Variants in SLC38A5 observed in about 807,000 individuals in gnomAD.
SLC38A5 encodes solute carrier family 38 member 5, also known as sodium-coupled neutral amino acid transporter 5.
Under a neutral mutation model 34.6 loss-of-function variants are expected in SLC38A5, and 9 were observed. The ratio of observed to expected loss-of-function variants is 0.26; its 90% CI spans 0.16 to 0.45. The LOEUF is 0.45. SLC38A5 is among the 20% of genes least tolerant of loss of function. The probability of loss-of-function intolerance (pLI) is 1.00; values close to 1 mark genes in which losing one functional copy is unlikely to be tolerated. For synonymous variants in SLC38A5, 157 were observed against 155.6 expected (o/e 1.01, Z -0.07); for missense variants, 253 against 394.7 (o/e 0.64, Z 3.04).
At chrX:48,463,853 GAGAA>G (rs201520618) in intron 8 of SLC38A5, among the ~76,000 whole-genome samples, 16,358 of 76,786 alleles carry the variant, frequency 0.21, 1,653 homozygotes, top group Non-Finnish European at 0.23. Flanking sequence ...AAGAAAGAGA[GAGAA>G]AGAAAGAAAG....
chrX:48,465,812 C>A (rs1268589258), intron 8 of SLC38A5, among the ~76,000 whole-genome samples: 2 of 111,486 alleles, frequency 1.8e-5, no homozygotes, highest in African/African-American at 6.5e-5. Flanking sequence ...GAATAAGTCA[C>A]AAAATCAGCA....
chrX:48,462,897 C>T lies in SLC38A5; in HGVS notation c.574+1G>A. ...AATGGCCAACCCAGGGAGCCTCTTA[C>T]CCAAGTGTTTCATGAGGGCGAGGGG... On this transcript the variant is annotated splice_donor_variant, in intron 9 of 16. Coordinates refer to ENST00000620913, the MANE Select transcript of SLC38A5 (RefSeq NM_033518.4). LOFTEE classifies it high-confidence loss of function. The T allele has an allele frequency of 8.3e-7, 1 of 1,204,695 alleles. No individual in the cohort carries two copies. The highest frequency in any genetic ancestry group is 3.0e-5 in the East Asian group (1 of 33,783).
intron 8 of SLC38A5, among the ~76,000 whole-genome samples, chrX:48,463,479 G>A (rs2061448880): frequency 9.0e-6 from 1 of 110,667 alleles, no homozygotes; most frequent in Non-Finnish European, 1.9e-5. Context: ...GGTGGGGAGT[G>A]CCTGTAGTCC....
At chrX:48,460,019 C>A in intron 14 of SLC38A5, 143 bp from the exon 15 acceptor site, 1 of 801,516 alleles carries the variant, frequency 1.2e-6, no homozygotes, top group Non-Finnish European at 1.7e-6. Context: ...CCCTGCCTAA[C>A]CCAACATCTG....
At chrX:48,468,925 G>C (rs930483773) in intron 2 of SLC38A5, 53 of 750,493 alleles carry the variant, frequency 7.1e-5, no homozygotes, top group Middle Eastern at 7.5e-4. Context: ...ATCCCCACCC[G>C]AGCCTGGAGC....
chrX:48,465,900 G>T, intron 8 of SLC38A5, 115 bp downstream of exon 8: 1 of 660,437 alleles, frequency 1.5e-6, no homozygotes, highest in Non-Finnish European at 2.2e-6. Context: ...CTGCCCAGCA[G>T]TCTCAAACTA....
At chrX:48,467,135 C>G in intron 4 of SLC38A5, 58 bp from the exon 5 acceptor site, 1 of 1,011,029 alleles carries the variant, frequency 9.9e-7, no homozygotes, top group South Asian at 2.1e-5. Flanking sequence ...GGTAAGGAGA[C>G]TAATGCCAGG....
rs782231740 is a variant in SLC38A5, at chrX:48,467,884, G to A, written c.41C>T (p.Ser14Leu). 4 of 1,205,889 alleles carry A rather than the reference G, an allele frequency of 3.3e-6. No individual in the cohort carries two copies. Among genetic ancestry groups the A allele is most frequent in the Middle Eastern group, 2.3e-4 (1 of 4,363 alleles). Residue 14 changes from serine (S) to leucine (L), a missense_variant, in exon 3 of 17, where the codon TCG becomes TTG. Transcript: ENST00000620913. ...QDPKMNGALP[S>L]DAVGYRQERE... Reference sequence around the variant, plus strand: ...ACCCCTGACTCACCCCACAGCATCCGAAGGGAGGGCTCCATTCATCTTTGG... The same window carrying A: ...ACCCCTGACTCACCCCACAGCATCCAAAGGGAGGGCTCCATTCATCTTTGG...
chrX:48,463,887 G>GA (rs1370324548), intron 8 of SLC38A5, among the ~76,000 whole-genome samples: 1 of 104,465 alleles, frequency 9.6e-6, no homozygotes, highest in Admixed American at 1.0e-4. Flanking sequence ...AAGAAAGAAA[G>GA]AAAGAAAGAA....
chrX:48,465,220 TCA>T (rs1179784207), intron 8 of SLC38A5, among the ~76,000 whole-genome samples: 2 of 111,220 alleles, frequency 1.8e-5, no homozygotes, highest in African/African-American at 6.5e-5. Context: ...GGATCCGGAC[TCA>T]CACACAGTCA....
rs1556963512 is a variant in SLC38A5 at position 48,466,856 on chromosome X, T to C, written c.262A>G (p.Ile88Val). Residue 88 changes from isoleucine (I) to valine (V), a missense_variant, in exon 6 of 17, where the codon ATT becomes GTT. Physicochemically the swap from Ile to Val is conservative, Grantham distance 29 (BLOSUM62 3). Transcript: ENST00000620913. ...ATGGAGTAGGACGACAGAAGCGCAA[T>C]GCACAGCAGCAGGGCCCTGCGGCAG... The part of the protein sequence containing the change: ...VIFFLALLLC[I>V]ALLSSYSIHL... 8.3e-7 allele frequency: 1 copy of C among 1,206,665 alleles called. No individual in the cohort carries two copies. The highest frequency in any genetic ancestry group is 1.1e-6 in the Non-Finnish European group (1 of 892,985).
intron 6 of SLC38A5, among the ~76,000 whole-genome samples, 191 bp downstream of exon 6, chrX:48,466,608 G>A (rs1347840179): frequency 5.5e-5 from 6 of 108,217 alleles, no homozygotes; most frequent in Non-Finnish European, 1.2e-4. Flanking sequence ...ACTGAGGGGT[G>A]GGGGTTAGAG....
chrX:48,463,064 C>T (rs1602025722), intron 8 of SLC38A5, 84 bp from the exon 9 acceptor site: 2 of 756,763 alleles, frequency 2.6e-6, no homozygotes, highest in East Asian at 6.9e-5. Context: ...GCTGGACAGG[C>T]AGCTTTCTGC....
chrX:48,463,165 C>T (rs891773577), intron 8 of SLC38A5, among the ~76,000 whole-genome samples, 185 bp from the exon 9 acceptor site: 4 of 112,715 alleles, frequency 3.5e-5, no homozygotes, highest in South Asian at 3.6e-4. Flanking sequence ...TTGACAAAAA[C>T]AGTCAAGCTG....
chrX:48,466,417 G>A (rs2061477138), intron 6 of SLC38A5, 95 bp from the exon 7 acceptor site: 2 of 899,268 alleles, frequency 2.2e-6, no homozygotes, highest in Non-Finnish European at 3.1e-6. Flanking sequence ...TGGGGCTTGG[G>A]GGAACCGGCT....
chrX:48,459,995 T>C, intron 14 of SLC38A5, 119 bp from the exon 15 acceptor site: 1 of 954,209 alleles, frequency 1.0e-6, no homozygotes, highest in Admixed American at 3.6e-5. Flanking sequence ...TCCCTCTGAC[T>C]ATCTATGGCT....
intron 4 of SLC38A5, 97 bp downstream of exon 4, chrX:48,467,613 A>AG (rs2061487874): frequency 4.6e-6 from 4 of 876,566 alleles, no homozygotes; most frequent in Admixed American, 2.6e-5. Context: ...TGGGCAGGGG[A>AG]ACAGCAGGGA....
chrX:48,467,284 C>T, intron 4 of SLC38A5: 2 of 436,747 alleles, frequency 4.6e-6, no homozygotes, highest in Non-Finnish European at 4.0e-6. Context: ...AAGGGGGAAA[C>T]TAGGACAAAC....
chrX:48,462,116 C>G lies in SLC38A5; in HGVS notation c.662G>C (p.Cys221Ser). The change falls in exon 11 of 17, where the codon TGT becomes TCT. Residue 221 changes from cysteine (C) to serine (S), a missense_variant. Physicochemically the swap from Cys to Ser is moderately radical, Grantham distance 112. Around this residue, in one of 3 missense-constraint regions of SLC38A5, gnomAD observed 176 missense variants for 273.0 expected, o/e 0.64. Transcript: ENST00000620913. ...SVIYKKFQLG[C>S]AIGHNETAME... The stretch of plus-strand genomic sequence containing the variant: ...TGCTGTTTCATTGTGGCCTATAGCA[C>G]AGCCAAGTTGGAACTTCTTGTAGAT... 1 of 1,202,204 alleles carries G rather than the reference C, an allele frequency of 8.3e-7. No homozygotes were observed. The highest frequency in any genetic ancestry group is 1.7e-5 in the African/African-American group (1 of 57,662).
Sources: gnomAD v4.1 joint callset for allele counts (sites outside exome capture counted in the v4.1 genomes callset) on GRCh38, gnomAD v4.1.1 for gene constraint, gnomAD v4.1.1 regional missense constraint, MANE v1.5 for transcripts, NCBI Gene and HGNC (gene_info 2026-07-23, HGNC 2026-07-21) for gene names.